Variants in ARL13B observed in about 807,000 individuals in gnomAD.
ARL13B encodes ARF like GTPase 13B.
A neutral mutation model predicts 56.1 loss-of-function variants in ARL13B; 36 were observed. The observed-to-expected ratio is 0.64, with a 90% CI of 0.49 to 0.85. The LOEUF is 0.85. ARL13B is among the 40% of genes least tolerant of loss of function. The pLI, the probability that ARL13B is intolerant of heterozygous loss-of-function variation, is 0.00. For missense variants in ARL13B, 519 were observed against 507.1 expected (o/e 1.02, Z -0.23); for synonymous variants, 178 against 171.1 (o/e 1.04, Z -0.32).
intron 1 of ARL13B, among the ~76,000 whole-genome samples, chr3:93,983,044 GA>G (rs1710293501): frequency 6.6e-6 from 1 of 152,108 alleles, no homozygotes; most frequent in African/African-American, 2.4e-5. Flanking sequence ...TATATTTTAT[GA>G]AGATGAAATG....
chr3:94,014,652 T>G (rs1389116795), intron 3 of ARL13B: 2 of 1,613,656 alleles, frequency 1.2e-6, no homozygotes, highest in South Asian at 2.2e-5. Flanking sequence ...AAAGTTGTGC[T>G]TTAGTGATAT....
intron 9 of ARL13B, 21 bp from the exon 10 acceptor site, chr3:94,053,166 T>C: frequency 1.2e-6 from 2 of 1,600,228 alleles, no homozygotes; most frequent in Non-Finnish European, 1.7e-6. Context: ...TTTGTGCATT[T>C]GGTTTTCTTT....
intron 3 of ARL13B, among the ~76,000 whole-genome samples, chr3:94,012,145 T>C (rs1326023527): frequency 1.3e-5 from 2 of 152,134 alleles, no homozygotes; most frequent in Non-Finnish European, 2.9e-5. Flanking sequence ...TCCAGGCCCT[T>C]ATCTGCACTT....
intron 1 of ARL13B, chr3:93,988,767 C>T: frequency 2.3e-6 from 1 of 428,340 alleles, no homozygotes. Context: ...CCTATGCTCC[C>T]CTTTTCCCAT....
At chr3:94,031,849 C>T (rs908022067) in intron 3 of ARL13B, among the ~76,000 whole-genome samples, 2 of 152,022 alleles carry the variant, frequency 1.3e-5, no homozygotes, top group East Asian at 1.9e-4. Flanking sequence ...ATGGGTACAG[C>T]GATGCTAGGA....
At chr3:94,050,782 C>G (rs751384101) in intron 8 of ARL13B, 42 bp from the exon 9 acceptor site, 6 of 1,564,112 alleles carry the variant, frequency 3.8e-6, no homozygotes, top group Non-Finnish European at 5.2e-6. Flanking sequence ...CTAAAGAAAC[C>G]TTGTTTAACA....
intron 3 of ARL13B, among the ~76,000 whole-genome samples, chr3:94,011,304 G>A (rs749552067): frequency 4.6e-5 from 7 of 152,106 alleles, no homozygotes; most frequent in Admixed American, 1.3e-4. Flanking sequence ...AACATCGATA[G>A]ATTAGTAATA....
intron 4 of ARL13B, among the ~76,000 whole-genome samples, chr3:94,036,066 C>G (rs1476234380): frequency 6.6e-6 from 1 of 152,126 alleles, no homozygotes; most frequent in East Asian, 1.9e-4. Flanking sequence ...GAATGAGACA[C>G]TGCCTCTAAA....
intron 2 of ARL13B, among the ~76,000 whole-genome samples, chr3:93,998,757 C>T (rs1015813992): frequency 6.6e-6 from 1 of 152,118 alleles, no homozygotes; most frequent in African/African-American, 2.4e-5. Context: ...TACTTAATTA[C>T]ATTTTGTTTG....
At chr3:94,023,271 C>T (rs1410936144) in intron 3 of ARL13B, among the ~76,000 whole-genome samples, 1 of 152,072 alleles carries the variant, frequency 6.6e-6, no homozygotes, top group East Asian at 1.9e-4. Context: ...GTTACTACAT[C>T]TTCTAGTTTT....
chr3:93,985,524 CTTTG>C (rs1710416788), intron 1 of ARL13B, among the ~76,000 whole-genome samples: 1 of 152,054 alleles, frequency 6.6e-6, no homozygotes, highest in South Asian at 2.1e-4. Context: ...CAACAAAATT[CTTTG>C]TTTATATGAA....
At chr3:94,034,970 T>C (rs1027361758) in intron 3 of ARL13B, among the ~76,000 whole-genome samples, 6 of 152,200 alleles carry the variant, frequency 3.9e-5, no homozygotes, top group Non-Finnish European at 7.3e-5. Flanking sequence ...GCATGGTGGA[T>C]GATATCTGTA....
At chr3:94,022,169 G>C (rs2076462650) in intron 3 of ARL13B, among the ~76,000 whole-genome samples, 1 of 151,948 alleles carries the variant, frequency 6.6e-6, no homozygotes, top group Non-Finnish European at 1.5e-5. Flanking sequence ...TGTCACCCAG[G>C]CTGGAGTGCA....
intron 3 of ARL13B, among the ~76,000 whole-genome samples, chr3:94,026,163 G>A (rs1283216580): frequency 2.0e-5 from 3 of 152,074 alleles, no homozygotes; most frequent in Non-Finnish European, 4.4e-5. Flanking sequence ...GGGACTACAG[G>A]CGCCCGCCAC....
In ARL13B at chr3:93,980,325, T is replaced by G; in HGVS notation, c.-99T>G. The G allele has an allele frequency of 2.7e-6, 4 of 1,496,358 alleles. No individual in the cohort carries two copies. Among genetic ancestry groups the G allele is most frequent in the South Asian group, 2.3e-5 (2 of 88,772 alleles). 92.7% of individuals were successfully genotyped at this position (1,496,358 alleles called of 1,614,324 possible). ...CGGCTTTTCCTCCCGACTTATCCAC[T>G]TTAGGGGCGTCTCGGAGTGCCGGAG... On this transcript the variant is annotated 5_prime_UTR_variant, in exon 1 of 10. Transcript: ENST00000394222.
At position 94,036,720 on chromosome 3, in the gene ARL13B, A is replaced by G; in HGVS notation, c.655A>G (p.Arg219Gly). 6.2e-7 allele frequency: 1 copy of G among 1,613,756 alleles called. No homozygotes were observed. Among genetic ancestry groups the G allele is most frequent in the African/African-American group, 1.3e-5 (1 of 75,050 alleles). Residue 219 changes from arginine to glycine, a missense_variant, in exon 5 of 10, where the codon AGA (arginine) becomes GGA (glycine). Transcript: ENST00000394222. The part of the protein sequence containing the change: ...RALEEQEKQE[R>G]AERVRKLREE... The stretch of plus-strand genomic sequence containing the variant: ...TCTTGAGGAACAAGAGAAACAAGAA[A>G]GAGCTGAACGAGTGCGAAAATTACG...
chr3:93,999,303 G>A (rs1345210894), intron 2 of ARL13B, among the ~76,000 whole-genome samples: 4 of 151,810 alleles, frequency 2.6e-5, no homozygotes, highest in African/African-American at 7.3e-5. Context: ...GTTCGGTGGC[G>A]TGATCATAGC....
At chr3:94,014,824 A>C (rs947921801) in intron 3 of ARL13B, 2 of 1,613,994 alleles carry the variant, frequency 1.2e-6, no homozygotes, top group East Asian at 2.2e-5. Context: ...ATTGTATATA[A>C]ACATGATTTG....
chr3:94,012,123 A>G (rs1214464613), intron 3 of ARL13B, among the ~76,000 whole-genome samples: 1 of 151,956 alleles, frequency 6.6e-6, no homozygotes, highest in African/African-American at 2.4e-5. Flanking sequence ...TTGAGTCTAA[A>G]TTTTGAAATA....
Sources: gnomAD v4.1 joint callset for allele counts (sites outside exome capture counted in the v4.1 genomes callset) on GRCh38, gnomAD v4.1.1 for gene constraint, MANE v1.5 for transcripts, NCBI Gene and HGNC (gene_info 2026-07-23, HGNC 2026-07-21) for gene names.